IGLL1: variants seen among roughly 807,000 people sequenced by gnomAD.
IGLL1 encodes the protein immunoglobulin lambda like polypeptide 1.
In IGLL1, 10 loss-of-function variants were observed where a neutral mutation model predicts 10.5. The ratio of observed to expected loss-of-function variants is 0.95; its 90% confidence interval spans 0.59 to 1.62. IGLL1 has a LOEUF of 1.62. Ranked by LOEUF, IGLL1 falls within the 40% of genes most tolerant of loss-of-function variation. The pLI is 0.00. For missense variants in IGLL1, 284 were observed against 278.7 expected (o/e 1.02, Z -0.14); for synonymous variants, 141 against 122.7 (o/e 1.15, Z -0.99).
rs1218698688 is a variant in IGLL1 at position 23,575,035 on chromosome 22, CGGGGCCAGCACCT to C, written c.241_253del (p.Arg81GlyfsTer10). On this transcript the variant is annotated frameshift_variant, in exon 2 of 3. Transcript: ENST00000330377. LOFTEE classifies it high-confidence loss of function. ...TGAGTTATGCTTGGATTGAAACCCC[CGGGGCCAGCACCT>C]GGGGCCAGTCCAGGAGCCGCGCTGG... 5 of 1,613,878 alleles carry C rather than the reference CGGGGCCAGCACCT, an allele frequency of 3.1e-6. No individual in the cohort carries two copies. In the African/African-American group the frequency reaches 6.7e-5, roughly 22 times the overall value.
chr22:23,574,227 G>A (rs1410538359), intron 2 of IGLL1, among the ~76,000 whole-genome samples: 1 of 151,676 alleles, frequency 6.6e-6, no homozygotes, highest in Non-Finnish European at 1.5e-5. Context: ...GGCAGCCATG[G>A]AGTTCTCTGC....
intron 1 of IGLL1, among the ~76,000 whole-genome samples, chr22:23,579,457 G>A (rs146223786): frequency 1.2e-4 from 19 of 152,262 alleles, no homozygotes; most frequent in African/African-American, 3.6e-4. Flanking sequence ...TTCAGGAGGC[G>A]ATGCTGGCTG....
intron 1 of IGLL1, among the ~76,000 whole-genome samples, chr22:23,578,678 G>A (rs116084011): frequency 0.016 from 2,363 of 152,212 alleles, 59 homozygotes; most frequent in African/African-American, 0.052. Context: ...ACTCAGGCCC[G>A]GTGTGGTGTC....
At chr22:23,578,971 A>T (rs569611726) in intron 1 of IGLL1, among the ~76,000 whole-genome samples, 4 of 151,942 alleles carry the variant, frequency 2.6e-5, no homozygotes, top group Admixed American at 6.6e-5. Context: ...ACTTTATTTG[A>T]AAAAGAAAAA....
At chr22:23,576,285 C>CT (rs770974273) in intron 1 of IGLL1, among the ~76,000 whole-genome samples, 1,443 of 125,982 alleles carry the variant, frequency 0.011, 15 homozygotes, top group Admixed American at 0.015. Flanking sequence ...TCTAGACATT[C>CT]TTTTTTTTTT....
At position 23,580,107 on chromosome 22, in the gene IGLL1, C is replaced by G; in HGVS notation, c.84G>C (p.Leu28=). The part of the protein sequence containing the change: ...PNLRQRWPLL[L]LGLAVVTHGL... ...CATGGGTTACCACGGCCAGACCCAGCAGCAGCAGGGGCCAGCGCTGCCTGA... is the reference window on the plus strand; with the variant it reads ...CATGGGTTACCACGGCCAGACCCAGGAGCAGCAGGGGCCAGCGCTGCCTGA... Residue 28 remains leucine, a synonymous_variant, in exon 1 of 3, where the codon CTG becomes CTC. Transcript: ENST00000330377. 1 of 1,569,950 alleles carries G rather than the reference C, an allele frequency of 6.4e-7. No homozygotes were observed.
Position 23,580,038 on chromosome 22 carries a change from GC to G in IGLL1, c.152del (p.Gly51AlafsTer13). ...PTAASQSRAL[G>X]PGAPGGSSRS... ...GGCTGCTTCCTCCAGGGGCTCCAGG[GC>G]CCAGGGCCCTGCTCTGCGATGCAGC... On this transcript the variant is annotated frameshift_variant, in exon 1 of 3. Transcript: ENST00000330377. LOFTEE classifies it high-confidence loss of function. 1.3e-6 allele frequency: 2 copies of G among 1,578,012 alleles called. No individual in the cohort carries two copies.
In IGLL1 at chr22:23,579,971, C is replaced by G; in HGVS notation, c.206+14G>C. ...CCCAGACCCCCACATCCCCTGGAAT[C>G]TCTCACCCCTTACCTGCCCCACCGG... On this transcript the variant is annotated intron_variant, in intron 1 of 2. Transcript: ENST00000330377. 6.4e-7 allele frequency: 1 copy of G among 1,567,104 alleles called. No individual in the cohort carries two copies. The highest frequency in any genetic ancestry group is 8.6e-7 in the Non-Finnish European group (1 of 1,162,094).
chr22:23,574,084 C>T (rs58651699), intron 2 of IGLL1, among the ~76,000 whole-genome samples: 53,495 of 148,774 alleles, frequency 0.36, 12,039 homozygotes, highest in Non-Finnish European at 0.49. Context: ...GCTCTGCCGT[C>T]GCCCCTGTCC....
intron 2 of IGLL1, 49 bp from the exon 3 acceptor site, chr22:23,573,634 G>T (rs371990634): frequency 2.4e-5 from 34 of 1,408,324 alleles, no homozygotes; most frequent in Non-Finnish European, 3.3e-5. Context: ...AGTGTGGGGT[G>T]TTGTGGAGCG....
chr22:23,575,696 G>C (rs1925024403), intron 1 of IGLL1, among the ~76,000 whole-genome samples: 1 of 152,028 alleles, frequency 6.6e-6, no homozygotes, highest in African/African-American at 2.4e-5. Context: ...CTGTCTACCA[G>C]GCACTGTGTG....
Position 23,580,165 on chromosome 22 carries a change from C to A in IGLL1, c.26G>T (p.Gly9Val). 1 of 1,544,490 alleles carries A rather than the reference C, an allele frequency of 6.5e-7. No individual in the cohort carries two copies. The highest frequency in any genetic ancestry group is 8.7e-7 in the Non-Finnish European group (1 of 1,148,352). ...GCCTGGCTCACCAGGGGCCTCAAGG[C>A]CCCCCTGGCCTGTCCCTGGCCTCAT... MRPGTGQG[G>V]LEAPGEPGPN... Residue 9 changes from glycine (G) to valine (V), a missense_variant, in exon 1 of 3, where the codon GGC becomes GTC. Transcript: ENST00000330377.
At position 23,580,124 on chromosome 22, in the gene IGLL1, G is replaced by A. The variant is rs114766892; in HGVS notation, c.67C>T (p.Arg23Cys). 567 of 1,563,526 alleles carry A rather than the reference G, an allele frequency of 3.6e-4. 5 individuals carry two copies. In the African/African-American group the frequency reaches 5.5e-3, roughly 15 times the overall value. The change falls in exon 1 of 3, where the codon CGC becomes TGC. Residue 23 changes from arginine to cysteine, a missense_variant. By Grantham distance (180) the Arg-to-Cys change is radical (BLOSUM62 -3). Transcript: ENST00000330377. ...PGEPGPNLRQ[R>C]WPLLLLGLAV... ...AGACCCAGCAGCAGCAGGGGCCAGC[G>A]CTGCCTGAGGTTGGGGCCTGGCTCA...
chr22:23,573,392 C>T lies in IGLL1; in HGVS notation c.516G>A (p.Lys172=), dbSNP rs1202697468. 2 of 1,613,974 alleles carry T rather than the reference C, an allele frequency of 1.2e-6. No individual in the cohort carries two copies. Among genetic ancestry groups the T allele is most frequent in the East Asian group, 2.2e-5 (1 of 44,864 alleles). The change falls in exon 3 of 3, where the codon AAG becomes AAA. Residue 172 remains lysine, a synonymous_variant. Transcript: ENST00000330377. ...GGCTCAGGTAGCTGCTGGCCGCGTA[C>T]TTGTTGTTGCTCTGTTTGGAGGGCG... ...MTTPSKQSNN[K]YAASSYLSLT... is the part of the protein sequence containing the mutation.
At chr22:23,578,947 T>C (rs1489514616) in intron 1 of IGLL1, among the ~76,000 whole-genome samples, 1 of 149,340 alleles carries the variant, frequency 6.7e-6, no homozygotes, top group Non-Finnish European at 1.5e-5. Context: ...GCGACAAGAG[T>C]GAAACTCTGT....
At chr22:23,578,586 C>G (rs1687029395) in intron 1 of IGLL1, among the ~76,000 whole-genome samples, 1 of 152,198 alleles carries the variant, frequency 6.6e-6, no homozygotes, top group African/African-American at 2.4e-5. Context: ...GAGCTCTCAC[C>G]ACAGCCACCC....
At chr22:23,579,917 C>T (rs995211616) in intron 1 of IGLL1, 68 bp downstream of exon 1, 21 of 1,375,194 alleles carry the variant, frequency 1.5e-5, no homozygotes, top group Non-Finnish European at 2.0e-5. Flanking sequence ...GGCTCGTCTC[C>T]CCTTGGTCAT....
rs1230797917 is a variant in IGLL1 at position 23,573,261 on chromosome 22, G to A, written c.*5C>T. ...GCCCCTTTGGGTGGGGTCGGGGCTGGGAACCTATGAACATTCTGCAGGGGC... is the reference window on the plus strand; with the variant it reads ...GCCCCTTTGGGTGGGGTCGGGGCTGAGAACCTATGAACATTCTGCAGGGGC... On this transcript the variant is annotated 3_prime_UTR_variant, in exon 3 of 3. Transcript: ENST00000330377. The A allele has an allele frequency of 5.0e-6, 8 of 1,613,652 alleles. No homozygotes were observed. In the East Asian group the frequency reaches 1.6e-4, roughly 31 times the overall value.
In IGLL1 at chr22:23,575,001, A is replaced by G; in HGVS notation, c.288T>C (p.His96=). ...TGAGCTGGGTCCCGCTGCCAAACACATGCGTCACTGAGTTATGCTTGGATT... is the reference window on the plus strand; with the variant it reads ...TGAGCTGGGTCCCGCTGCCAAACACGTGCGTCACTGAGTTATGCTTGGATT... ...GFQSKHNSVT[H]VFGSGTQLTV... Residue 96 remains histidine, a synonymous_variant, in exon 2 of 3, where the codon CAT becomes CAC. Transcript: ENST00000330377. 7 of 1,613,996 alleles carry G rather than the reference A, an allele frequency of 4.3e-6. No homozygotes were observed. The highest frequency in any genetic ancestry group is 1.6e-4 in the Middle Eastern group (1 of 6,062).
Sources: allele counts gnomAD v4.1 joint callset (sites outside exome capture counted in the v4.1 genomes callset), GRCh38; gene constraint gnomAD v4.1.1; transcripts MANE v1.5; gene names NCBI Gene and HGNC (gene_info 2026-07-23, HGNC 2026-07-21).